STK3: variants seen among roughly 807,000 people sequenced by gnomAD.
STK3 encodes the protein serine/threonine-protein kinase 3.
A neutral mutation model predicts 58.0 loss-of-function variants in STK3; 41 were observed. The observed-to-expected ratio is 0.71, with a 90% CI of 0.55 to 0.92. STK3 has a LOEUF of 0.92. Among genes scored for constraint, STK3 ranks in the 40% least tolerant of loss-of-function variants. The pLI is 0.00. For missense variants in STK3, 479 were observed against 602.7 expected, an observed-to-expected ratio of 0.79 and a Z score of 2.15; for synonymous variants, 170 against 191.0, an observed-to-expected ratio of 0.89 and a Z score of 0.91.
In STK3 at chr8:98,455,908, G is replaced by GT; in HGVS notation, c.1409dup (p.Tyr470Ter). The GT allele has an allele frequency of 6.2e-7, 1 of 1,613,664 alleles. No individual in the cohort carries two copies. Among genetic ancestry groups the GT allele is most frequent in the Non-Finnish European group, 8.5e-7 (1 of 1,179,808 alleles). Residue 470 changes from tyrosine to a stop codon, truncating the protein, a stop_gained and frameshift_variant, in exon 11 of 11, where the codon TAC (tyrosine) becomes TAAC (stop). Coordinates refer to ENST00000419617, the MANE Select transcript of STK3 (RefSeq NM_006281.4). LOFTEE classifies it high-confidence loss of function. The stretch of plus-strand genomic sequence containing the variant: ...CCAGAATGGGCTGTCTTTTCGCAGT[G>GT]TATCTCTGACGAAGTTCTTCTATCT... ...EREIEELRQRYTAKRQPILDA... is the reference protein window; with the variant it reads ...EREIEELRQR
At chr8:98,499,439 A>G (rs1333222655) in intron 10 of STK3, among the ~76,000 whole-genome samples, 1 of 152,240 alleles carries the variant, frequency 6.6e-6, no homozygotes, top group Non-Finnish European at 1.5e-5. Context: ...TAAAACTATG[A>G]AAGTGGCTTT....
At chr8:98,864,900 T>C (rs1224066695) in intron 3 of STK3, among the ~76,000 whole-genome samples, 1 of 152,168 alleles carries the variant, frequency 6.6e-6, no homozygotes, top group African/African-American at 2.4e-5. Context: ...TACAGCTACA[T>C]TTCAGTCAGA....
intron 6 of STK3, among the ~76,000 whole-genome samples, chr8:98,676,614 T>TAA (rs773621636): frequency 5.1e-5 from 7 of 137,426 alleles, no homozygotes; most frequent in Admixed American, 7.3e-5. Context: ...ACTCTATCTT[T>TAA]AAAAAAAAAA....
At chr8:98,927,093 G>C (rs923694225) in intron 1 of STK3, among the ~76,000 whole-genome samples, 1 of 152,200 alleles carries the variant, frequency 6.6e-6, no homozygotes, top group Non-Finnish European at 1.5e-5. Flanking sequence ...TATCTAGATG[G>C]GCGCAGTTCT....
intron 1 of STK3, among the ~76,000 whole-genome samples, chr8:98,382,567 C>G (rs979475385): frequency 6.6e-6 from 1 of 150,520 alleles, no homozygotes; most frequent in South Asian, 2.1e-4. Context: ...AGATTGGAGG[C>G]GGGGGGAGCC....
chr8:98,415,059 A>C (rs1162253304), intron 3 of STK3, among the ~76,000 whole-genome samples: 2 of 152,244 alleles, frequency 1.3e-5, no homozygotes, highest in Non-Finnish European at 2.9e-5. Flanking sequence ...TTGTACCTGC[A>C]TGAATGGGAT....
chr8:98,592,826 C>T (rs988806880), intron 7 of STK3, among the ~76,000 whole-genome samples: 3 of 151,722 alleles, frequency 2.0e-5, no homozygotes, highest in Non-Finnish European at 2.9e-5. Context: ...TGCAGTGGTG[C>T]GATCTTGGCT....
At chr8:98,548,964 T>C (rs1810945200) in intron 8 of STK3, among the ~76,000 whole-genome samples, 1 of 152,214 alleles carries the variant, frequency 6.6e-6, no homozygotes, top group African/African-American at 2.4e-5. Flanking sequence ...GGCTGAATGA[T>C]ATTCCATTGT....
At chr8:98,537,532 C>G (rs897909749) in intron 9 of STK3, among the ~76,000 whole-genome samples, 9 of 152,026 alleles carry the variant, frequency 5.9e-5, no homozygotes, top group Admixed American at 2.6e-4. Context: ...GAAAATAAAG[C>G]AGGAAATCTC....
the STK3 span, among the ~76,000 whole-genome samples, chr8:98,359,508 G>T: frequency 6.9e-6 from 1 of 144,400 alleles, no homozygotes; most frequent in Non-Finnish European, 1.5e-5. Flanking sequence ...GGGCAACAGA[G>T]CCAGACTCTG....
intron 6 of STK3, among the ~76,000 whole-genome samples, chr8:98,650,583 AG>A (rs1189531300): frequency 7.2e-5 from 11 of 152,218 alleles, no homozygotes; most frequent in Admixed American, 5.9e-4. Flanking sequence ...TCCCTTTCCT[AG>A]TCAAAGAAAG....
downstream of STK3, chr8:98,881,255 A>AG (rs1259034028): frequency 1.3e-5 from 2 of 152,222 alleles, no homozygotes. Context: ...CATATTACTA[A>AG]GTGAAAGAAG....
intron 1 of STK3, chr8:98,905,013 G>C: frequency 1.3e-6 from 1 of 793,834 alleles, no homozygotes; most frequent in Non-Finnish European, 2.3e-6. Context: ...GTAGTGGAGT[G>C]CTGCATATGC....
At chr8:98,555,583 T>C in intron 8 of STK3, among the ~76,000 whole-genome samples, 1 of 152,072 alleles carries the variant, frequency 6.6e-6, no homozygotes, top group Admixed American at 6.6e-5. Context: ...AGAGCAGTGA[T>C]CTTAATGGCT....
the STK3 span, among the ~76,000 whole-genome samples, chr8:98,357,292 T>TAC: frequency 1.3e-5 from 2 of 152,108 alleles, no homozygotes; most frequent in East Asian, 3.9e-4. Context: ...CCTGCCTGGG[T>TAC]CTCCAGGTAA....
intron 1 of STK3, among the ~76,000 whole-genome samples, chr8:98,884,585 T>A (rs1837910759): frequency 6.6e-6 from 1 of 152,220 alleles, no homozygotes; most frequent in Non-Finnish European, 1.5e-5. Flanking sequence ...TGAATGCTTA[T>A]GTCCCCTTAA....
At chr8:98,550,888 C>T (rs536562610) in intron 8 of STK3, among the ~76,000 whole-genome samples, 1 of 152,170 alleles carries the variant, frequency 6.6e-6, no homozygotes. Flanking sequence ...ACTAACCTTT[C>T]TTGAATACTA....
chr8:98,765,410 T>C (rs1830881585), intron 3 of STK3, among the ~76,000 whole-genome samples: 1 of 152,214 alleles, frequency 6.6e-6, no homozygotes, highest in African/African-American at 2.4e-5. Context: ...AATCACTTCA[T>C]TAGCCAAAAA....
At chr8:98,554,805 TCTTAA>T (rs1811469384) in intron 8 of STK3, among the ~76,000 whole-genome samples, 1 of 152,150 alleles carries the variant, frequency 6.6e-6, no homozygotes, top group African/African-American at 2.4e-5. Context: ...TTTTTAAAAT[TCTTAA>T]CTTATTCTTG....
Sources: allele counts gnomAD v4.1 joint callset (sites outside exome capture counted in the v4.1 genomes callset), GRCh38; gene constraint gnomAD v4.1.1; transcripts MANE v1.5; gene names NCBI Gene and HGNC (gene_info 2026-07-23, HGNC 2026-07-21).